The following WWOX variants were observed in gnomAD, a reference collection of about 807,000 sequenced individuals.
WWOX encodes WW domain-containing oxidoreductase.
In WWOX, 69 loss-of-function variants were observed where a neutral mutation model predicts 46.2. The ratio of observed to expected loss-of-function variants is 1.49; its 90% CI spans 1.23 to 1.82. WWOX has a LOEUF of 1.82. Among genes scored for constraint, WWOX ranks in the 40% most tolerant of loss-of-function variants. The pLI is 0.00. For synonymous variants in WWOX, 359 were observed against 202.6 expected (o/e 1.77, Z -6.56); for missense variants, 919 against 542.6 (o/e 1.69, Z -6.89).
chr16:78,722,852 G>A (rs78013791), intron 8 of WWOX, among the ~76,000 whole-genome samples: 9,746 of 151,972 alleles, frequency 0.064, 452 homozygotes, highest in Non-Finnish European at 0.071. Context: ...ATCAGTCTGG[G>A]CAACATAATG....
At chr16:78,258,971 T>C (rs2038206880) in intron 5 of WWOX, among the ~76,000 whole-genome samples, 1 of 152,202 alleles carries the variant, frequency 6.6e-6, no homozygotes, top group Non-Finnish European at 1.5e-5. Context: ...TGCTCGCATA[T>C]GGAAACAGAG....
chr16:78,799,064 TCA>T (rs2142642476), intron 8 of WWOX, among the ~76,000 whole-genome samples: 1 of 152,362 alleles, frequency 6.6e-6, no homozygotes, highest in East Asian at 1.9e-4. Flanking sequence ...CTATACCTTG[TCA>T]ATCCATTTTG....
chr16:78,439,435 A>G (rs774098225), intron 8 of WWOX, among the ~76,000 whole-genome samples: 2 of 152,150 alleles, frequency 1.3e-5, no homozygotes, highest in African/African-American at 2.4e-5. Flanking sequence ...AGGAAGAAAC[A>G]TACTTCTTCC....
At chr16:78,503,334 C>G (rs2085115133) in intron 8 of WWOX, among the ~76,000 whole-genome samples, 1 of 152,088 alleles carries the variant, frequency 6.6e-6, no homozygotes, top group Non-Finnish European at 1.5e-5. Context: ...CTATAAGTAC[C>G]TTCCAACTGT....
intron 4 of WWOX, among the ~76,000 whole-genome samples, chr16:78,119,439 C>G (rs569503283): frequency 6.6e-6 from 1 of 152,210 alleles, no homozygotes; most frequent in South Asian, 2.1e-4. Flanking sequence ...TGACATGTTG[C>G]TCATCAAAGG....
At chr16:78,796,005 C>T (rs548199134) in intron 8 of WWOX, among the ~76,000 whole-genome samples, 1 of 152,100 alleles carries the variant, frequency 6.6e-6, no homozygotes, top group Non-Finnish European at 1.5e-5. Context: ...GTTTAAATAT[C>T]CTAAGACCCA....
intron 8 of WWOX, among the ~76,000 whole-genome samples, chr16:78,607,638 G>GTTC (rs1026226195): frequency 2.1e-4 from 22 of 105,088 alleles, no homozygotes; most frequent in East Asian, 6.4e-4. Context: ...TGACTCATTT[G>GTTC]TTCTTCTTTT....
At chr16:78,565,153 G>A (rs568919083) in intron 8 of WWOX, among the ~76,000 whole-genome samples, 33 of 152,274 alleles carry the variant, frequency 2.2e-4, no homozygotes, top group African/African-American at 7.7e-4. Context: ...CTTTGGCATT[G>A]GTGCCTCTAA....
intron 8 of WWOX, among the ~76,000 whole-genome samples, chr16:78,663,660 G>A (rs1174114289): frequency 6.6e-6 from 1 of 152,182 alleles, no homozygotes; most frequent in East Asian, 1.9e-4. Flanking sequence ...CATCCAGGAT[G>A]TGTCTTGACA....
At chr16:79,135,911 C>T (rs1415611171) in intron 8 of WWOX, among the ~76,000 whole-genome samples, 2 of 152,228 alleles carry the variant, frequency 1.3e-5, no homozygotes, top group Middle Eastern at 3.4e-3. Context: ...TAAGATTGCT[C>T]TCATTTACTG....
chr16:78,436,330 C>T (rs1428815145), intron 8 of WWOX, among the ~76,000 whole-genome samples: 1 of 152,164 alleles, frequency 6.6e-6, no homozygotes, highest in Non-Finnish European at 1.5e-5. Flanking sequence ...GGTGAAGGGA[C>T]CCTGGTTCAG....
chr16:78,876,134 A>C (rs1175093514), intron 8 of WWOX, among the ~76,000 whole-genome samples: 2 of 152,070 alleles, frequency 1.3e-5, no homozygotes, highest in African/African-American at 4.8e-5. Context: ...TTTCTTACCT[A>C]CGCTACCTTA....
intron 8 of WWOX, among the ~76,000 whole-genome samples, chr16:79,024,715 A>G (rs897888599): frequency 3.2e-4 from 48 of 152,092 alleles, no homozygotes; most frequent in African/African-American, 1.1e-3. Context: ...GATTACAGGC[A>G]TGAGCCACCA....
intron 8 of WWOX, among the ~76,000 whole-genome samples, chr16:78,574,919 G>C (rs1055618956): frequency 1.4e-5 from 2 of 142,306 alleles, no homozygotes; most frequent in Non-Finnish European, 3.0e-5. Flanking sequence ...TAATTCGATT[G>C]TGATAATCAT....
chr16:78,604,319 T>C (rs1278899164), intron 8 of WWOX, among the ~76,000 whole-genome samples: 1 of 152,142 alleles, frequency 6.6e-6, no homozygotes, highest in East Asian at 1.9e-4. Context: ...CTCTTAACCC[T>C]GACTTCTCTA....
chr16:78,742,696 G>A (rs182496394), intron 8 of WWOX, among the ~76,000 whole-genome samples: 16 of 152,272 alleles, frequency 1.1e-4, no homozygotes, highest in African/African-American at 3.4e-4. Context: ...TCTGCCCTGC[G>A]GTTTCAGTTC....
intron 8 of WWOX, among the ~76,000 whole-genome samples, chr16:78,655,902 C>T (rs924544498): frequency 6.6e-6 from 1 of 152,090 alleles, no homozygotes; most frequent in African/African-American, 2.4e-5. Context: ...TACCCCAGCT[C>T]TGTATTCGAG....
At chr16:78,700,670 G>A (rs963112947) in intron 8 of WWOX, among the ~76,000 whole-genome samples, 3 of 152,134 alleles carry the variant, frequency 2.0e-5, no homozygotes, top group Non-Finnish European at 2.9e-5. Context: ...CATATCGTGT[G>A]TCTTGTGGCA....
Position 78,301,688 on chromosome 16 carries a change from G to C in WWOX, c.517-85172G>C, listed in dbSNP as rs187630128. Reference sequence around the variant, plus strand: ...ACCCTCCAAGACCTCAGGGCTGTTTGCCTGTGATTAGAGTCTAAGAAAGAC... The same window carrying C: ...ACCCTCCAAGACCTCAGGGCTGTTTCCCTGTGATTAGAGTCTAAGAAAGAC... On this transcript the variant is annotated intron_variant, in intron 5 of 8. Transcript: ENST00000566780. Among the ~76,000 whole-genome samples, 3 of 152,276 alleles carry C rather than the reference G, an allele frequency of 2.0e-5. No homozygotes were observed. In the East Asian group the frequency reaches 5.8e-4, roughly 29 times the overall value.
Sources: allele counts gnomAD v4.1 joint callset (sites outside exome capture counted in the v4.1 genomes callset), GRCh38; gene constraint gnomAD v4.1.1; transcripts MANE v1.5; gene names NCBI Gene and HGNC (gene_info 2026-07-23, HGNC 2026-07-21).